SLC24A2: variants seen among roughly 807,000 people sequenced by gnomAD.
SLC24A2 encodes solute carrier family 24 member 2, also known as sodium/potassium/calcium exchanger 2.
Under a neutral mutation model 62.0 loss-of-function variants are expected in SLC24A2, and 36 were observed. That is an observed-to-expected ratio of 0.58 (90% confidence interval 0.44 to 0.77). The LOEUF (loss-of-function observed/expected upper bound fraction) is 0.77, where lower values mean the gene tolerates loss of function less well. SLC24A2 is among the 30% of genes least tolerant of loss of function. The pLI is 0.00. For synonymous variants in SLC24A2, 358 were observed against 294.0 expected, an observed-to-expected ratio of 1.22 and a Z score of -2.23; for missense variants, 846 against 817.9, an observed-to-expected ratio of 1.03 and a Z score of -0.42.
the SLC24A2 span, among the ~76,000 whole-genome samples, chr9:20,005,819 T>C: frequency 6.7e-6 from 1 of 148,994 alleles, no homozygotes; most frequent in African/African-American, 2.5e-5. Flanking sequence ...AAATCATGAA[T>C]AGTCAAAAAT....
At chr9:20,206,451 C>T in the SLC24A2 span, among the ~76,000 whole-genome samples, 2 of 151,774 alleles carry the variant, frequency 1.3e-5, no homozygotes, top group African/African-American at 2.4e-5. Flanking sequence ...GTAATTTTCC[C>T]AAAAAAAGTT....
At chr9:19,532,766 C>A (rs1332180549) in intron 8 of SLC24A2, among the ~76,000 whole-genome samples, 1 of 152,160 alleles carries the variant, frequency 6.6e-6, no homozygotes, top group Non-Finnish European at 1.5e-5. Context: ...ATAGTAGACA[C>A]TGAATAGATA....
chr9:19,905,496 C>T, the SLC24A2 span, among the ~76,000 whole-genome samples: 2 of 151,348 alleles, frequency 1.3e-5, no homozygotes, highest in Non-Finnish European at 2.9e-5. Context: ...ACAACCTCTG[C>T]TTCCTAGGTT....
chr9:20,104,550 T>C, the SLC24A2 span, among the ~76,000 whole-genome samples: 1 of 152,360 alleles, frequency 6.6e-6, no homozygotes, highest in Non-Finnish European at 1.5e-5. Flanking sequence ...ATATTCAGCA[T>C]TCTTAAAGAA....
chr9:19,577,331 C>G (rs777299391), intron 5 of SLC24A2, among the ~76,000 whole-genome samples: 38 of 152,090 alleles, frequency 2.5e-4, no homozygotes, highest in Non-Finnish European at 4.1e-4. Context: ...CAGAGCTGCT[C>G]TGGAGGCATG....
At chr9:20,206,546 G>T in the SLC24A2 span, among the ~76,000 whole-genome samples, 1 of 152,134 alleles carries the variant, frequency 6.6e-6, no homozygotes, top group East Asian at 1.9e-4. Flanking sequence ...CTGGAGTGCA[G>T]TGGCACAATC....
the SLC24A2 span, among the ~76,000 whole-genome samples, chr9:19,986,143 CA>C: frequency 6.6e-6 from 1 of 151,842 alleles, no homozygotes; most frequent in African/African-American, 2.4e-5. Flanking sequence ...AATTTCTTCC[CA>C]AAAGATATAC....
In SLC24A2 at chr9:19,551,690, C is replaced by T. The variant is rs532424958; in HGVS notation, c.1348-1422G>A. Among the ~76,000 whole-genome samples the T allele has an allele frequency of 1.3e-5, 2 of 152,188 alleles. 1 individual carries two copies. The highest frequency in any genetic ancestry group is 2.9e-5 in the Non-Finnish European group (2 of 68,046). ...CAGTAACAGCGCCCCCCTCCAGCAC[C>T]TGTGTCCCTACAGAGGTGGCATGAG... is the stretch of plus-strand genomic sequence containing the variant. On this transcript the variant is annotated intron_variant, in intron 7 of 10. Transcript: ENST00000341998.
At chr9:19,578,484 G>C (rs1340502603) in intron 5 of SLC24A2, among the ~76,000 whole-genome samples, 1 of 151,000 alleles carries the variant, frequency 6.6e-6, no homozygotes, top group Non-Finnish European at 1.5e-5. Flanking sequence ...ATTTTAAACT[G>C]ATTATTGCCT....
chr9:20,204,936 G>A, the SLC24A2 span, among the ~76,000 whole-genome samples: 10 of 151,724 alleles, frequency 6.6e-5, no homozygotes, highest in South Asian at 4.2e-4. Flanking sequence ...TAGTACAGAC[G>A]GGGTTTCACC....
At chr9:19,766,297 G>C (rs886178028) in intron 2 of SLC24A2, among the ~76,000 whole-genome samples, 7 of 152,162 alleles carry the variant, frequency 4.6e-5, no homozygotes, top group African/African-American at 1.4e-4. Flanking sequence ...GCTTACTTCT[G>C]TCAATTCGTC....
chr9:19,656,936 G>A, intron 2 of SLC24A2, among the ~76,000 whole-genome samples: 1 of 152,120 alleles, frequency 6.6e-6, no homozygotes, highest in East Asian at 1.9e-4. Context: ...ATTCACTAGG[G>A]TGACACTCCC....
intron 2 of SLC24A2, among the ~76,000 whole-genome samples, chr9:19,627,050 T>A (rs150182850): frequency 1.1e-3 from 164 of 152,304 alleles, no homozygotes; most frequent in African/African-American, 3.8e-3. Flanking sequence ...AAGAAAAATT[T>A]AAATTCAAAT....
the SLC24A2 span, among the ~76,000 whole-genome samples, chr9:19,819,494 C>G: frequency 6.6e-6 from 1 of 151,584 alleles, no homozygotes; most frequent in Admixed American, 6.6e-5. Context: ...CTCAAACAAT[C>G]AGTAAGATCA....
the SLC24A2 span, among the ~76,000 whole-genome samples, chr9:20,132,368 C>G: frequency 6.6e-6 from 1 of 152,056 alleles, no homozygotes; most frequent in African/African-American, 2.4e-5. Flanking sequence ...AAATGTGTTA[C>G]TGTGATCCAC....
the SLC24A2 span, among the ~76,000 whole-genome samples, chr9:20,277,752 T>G: frequency 6.6e-6 from 1 of 152,160 alleles, no homozygotes; most frequent in Non-Finnish European, 1.5e-5. Context: ...ACCCGAAGGA[T>G]TATAAAACAT....
chr9:19,932,122 A>G, the SLC24A2 span, among the ~76,000 whole-genome samples: 1 of 152,244 alleles, frequency 6.6e-6, no homozygotes. Flanking sequence ...GAATAAATTC[A>G]TGCAGTAAAA....
chr9:20,202,269 A>T, the SLC24A2 span, among the ~76,000 whole-genome samples: 1 of 152,200 alleles, frequency 6.6e-6, no homozygotes, highest in Non-Finnish European at 1.5e-5. Flanking sequence ...AGGACTGAGG[A>T]CTGCTTGTTT....
the SLC24A2 span, among the ~76,000 whole-genome samples, chr9:20,036,620 C>T: frequency 6.6e-6 from 1 of 152,128 alleles, no homozygotes; most frequent in African/African-American, 2.4e-5. Flanking sequence ...TTTCACTTAG[C>T]AAAACATCCT....
Sources: gnomAD v4.1 joint callset for allele counts (sites outside exome capture counted in the v4.1 genomes callset) on GRCh38, gnomAD v4.1.1 for gene constraint, MANE v1.5 for transcripts, NCBI Gene and HGNC (gene_info 2026-07-23, HGNC 2026-07-21) for gene names.